CCDC178: variants seen among roughly 807,000 people sequenced by gnomAD.
CCDC178 encodes the protein coiled-coil domain-containing protein 178.
Under a neutral mutation model 117.4 loss-of-function variants are expected in CCDC178, and 126 were observed. The ratio of observed to expected loss-of-function variants is 1.07; its 90% confidence interval spans 0.93 to 1.24. CCDC178 has a LOEUF of 1.24. Among genes scored for constraint, CCDC178 ranks in the 50% most tolerant of loss-of-function variants. The probability of loss-of-function intolerance (pLI) is 0.00; values close to 1 mark genes in which losing one functional copy is unlikely to be tolerated. For missense variants in CCDC178, 1,030 were observed against 986.9 expected (o/e 1.04, Z -0.59); for synonymous variants, 283 against 313.4 (o/e 0.90, Z 1.02).
At chr18:33,339,883 C>T (rs560856976) in intron 9 of CCDC178, among the ~76,000 whole-genome samples, 16 of 152,128 alleles carry the variant, frequency 1.1e-4, no homozygotes, top group African/African-American at 3.9e-4. Context: ...TTCCTAGTCT[C>T]GGGTATGTCT....
intron 19 of CCDC178, among the ~76,000 whole-genome samples, chr18:33,214,735 G>A (rs547294935): frequency 6.6e-6 from 1 of 152,074 alleles, no homozygotes; most frequent in South Asian, 2.1e-4. Flanking sequence ...TTTACTCTAT[G>A]ATAATAGCTA....
chr18:33,354,200 C>T (rs1277033930), intron 7 of CCDC178, among the ~76,000 whole-genome samples: 1 of 152,084 alleles, frequency 6.6e-6, no homozygotes, highest in Non-Finnish European at 1.5e-5. Flanking sequence ...TTCTCTTGTG[C>T]TGCTTTCCAG....
chr18:33,000,443 A>G (rs1464629649), intron 21 of CCDC178, among the ~76,000 whole-genome samples: 1 of 152,162 alleles, frequency 6.6e-6, no homozygotes, highest in African/African-American at 2.4e-5. Flanking sequence ...ATAACAGAAG[A>G]CATCCCAAAC....
At chr18:33,288,218 C>T (rs1339588720) in intron 12 of CCDC178, among the ~76,000 whole-genome samples, 1 of 149,678 alleles carries the variant, frequency 6.7e-6, no homozygotes, top group Non-Finnish European at 1.5e-5. Context: ...CCTCCCTCCT[C>T]CTCTCCTCCT....
At chr18:33,438,687 T>G (rs1723031472) in intron 2 of CCDC178, among the ~76,000 whole-genome samples, 1 of 152,020 alleles carries the variant, frequency 6.6e-6, no homozygotes, top group African/African-American at 2.4e-5. Flanking sequence ...CAGATGCTTA[T>G]AAAATAATCA....
At chr18:33,290,882 C>G (rs982744747) in intron 12 of CCDC178, among the ~76,000 whole-genome samples, 1 of 151,986 alleles carries the variant, frequency 6.6e-6, no homozygotes, top group African/African-American at 2.4e-5. Context: ...ATTGTAACAA[C>G]TTGTTTTCTA....
chr18:33,043,194 G>C (rs540159554), intron 21 of CCDC178, among the ~76,000 whole-genome samples: 19 of 152,010 alleles, frequency 1.2e-4, no homozygotes, highest in East Asian at 7.7e-4. Flanking sequence ...AACACTGAAG[G>C]TTCTATGTAA....
intron 10 of CCDC178, among the ~76,000 whole-genome samples, chr18:33,329,061 T>C (rs2062627997): frequency 6.6e-6 from 1 of 152,112 alleles, no homozygotes; most frequent in South Asian, 2.1e-4. Flanking sequence ...GACCCGTATA[T>C]GGAATTGTTT....
chr18:33,336,677 A>G lies in CCDC178; in HGVS notation c.659-3283T>C, dbSNP rs564230573. ...CAGCACTATCAATCAAATTGACCTGATATTTATAGATAGCCTACCCAACAA... is the reference window on the plus strand; with the variant it reads ...CAGCACTATCAATCAAATTGACCTGGTATTTATAGATAGCCTACCCAACAA... On this transcript the variant is annotated intron_variant, in intron 9 of 22. Coordinates refer to ENST00000383096, the MANE Select transcript of CCDC178 (RefSeq NM_001105528.4). Among the ~76,000 whole-genome samples the G allele has an allele frequency of 1.6e-4, 25 of 152,220 alleles. No homozygotes were observed. In the South Asian group the frequency reaches 5.2e-3, roughly 32 times the overall value.
At chr18:33,147,907 G>A (rs1373188495) in intron 20 of CCDC178, among the ~76,000 whole-genome samples, 5 of 151,958 alleles carry the variant, frequency 3.3e-5, no homozygotes, top group Admixed American at 1.3e-4. Flanking sequence ...GGTGGCTGCC[G>A]GGCAGAGGGG....
rs1383803880 is a variant in CCDC178, at chr18:33,323,584, T to A, written c.929A>T (p.Glu310Val). Residue 310 changes from glutamate to valine, a missense_variant, in exon 11 of 23, where the codon GAA becomes GTA. Physicochemically the swap from Glu to Val is moderately radical, Grantham distance 121. Coordinates refer to ENST00000383096, the MANE Select transcript of CCDC178 (RefSeq NM_001105528.4). ...KVNEELEEAL[E>V]ACENARLKAQ... Reference sequence around the variant, plus strand: ...CTTCAATCTGGCATTTTCACAGGCTTCTAAAGCTTCTTCAAGTTCTTCATT... The same window carrying A: ...CTTCAATCTGGCATTTTCACAGGCTACTAAAGCTTCTTCAAGTTCTTCATT... 2.6e-6 allele frequency: 4 copies of A among 1,562,860 alleles called. No homozygotes were observed. The highest frequency in any genetic ancestry group is 1.8e-5 in the Admixed American group (1 of 54,120).
chr18:33,192,339 C>T (rs2058868933), intron 20 of CCDC178, among the ~76,000 whole-genome samples: 1 of 152,148 alleles, frequency 6.6e-6, no homozygotes, highest in Non-Finnish European at 1.5e-5. Context: ...GAACAAAGGA[C>T]TTCAGTTTGT....
chr18:33,278,360 T>C (rs2059979323), intron 12 of CCDC178, among the ~76,000 whole-genome samples: 1 of 150,224 alleles, frequency 6.7e-6, no homozygotes, highest in Non-Finnish European at 1.5e-5. Flanking sequence ...TTTTAAGAGA[T>C]AATCACTTCT....
chr18:33,222,247 C>G (rs946297667), intron 18 of CCDC178, among the ~76,000 whole-genome samples: 5 of 149,482 alleles, frequency 3.3e-5, no homozygotes, highest in African/African-American at 1.2e-4. Context: ...TTCCTTCCCT[C>G]CCTCCCTCCT....
chr18:33,355,100 T>A (rs2063035504), intron 7 of CCDC178, among the ~76,000 whole-genome samples: 1 of 152,348 alleles, frequency 6.6e-6, no homozygotes, highest in East Asian at 1.9e-4. Flanking sequence ...CAGTTTATGT[T>A]AATTTATCCT....
chr18:33,085,549 A>G (rs1299341236), intron 21 of CCDC178, among the ~76,000 whole-genome samples: 2 of 152,104 alleles, frequency 1.3e-5, no homozygotes, highest in Admixed American at 6.5e-5. Context: ...GGCGACAGAG[A>G]GAGATTCCGT....
At chr18:33,043,472 T>C (rs962646473) in intron 21 of CCDC178, among the ~76,000 whole-genome samples, 12 of 152,108 alleles carry the variant, frequency 7.9e-5, no homozygotes, top group African/African-American at 2.9e-4. Flanking sequence ...TACTACTTTA[T>C]GCTTCTGAAA....
At chr18:33,179,078 A>AAAAAAAAATAT (rs71159804) in intron 20 of CCDC178, among the ~76,000 whole-genome samples, 2 of 55,824 alleles carry the variant, frequency 3.6e-5, no homozygotes, top group African/African-American at 2.3e-4. Context: ...AAAAAAAAAA[A>AAAAAAAAATAT]ATATATATAT....
rs546443196 is a variant in CCDC178 at position 33,082,923 on chromosome 18, G to T, written c.2388+9838C>A. ...ATTCCTATAAGGATTCCATTGCCACGGTTGAGGTTATTTCATAATAGTATA... is the reference window on the plus strand; with the variant it reads ...ATTCCTATAAGGATTCCATTGCCACTGTTGAGGTTATTTCATAATAGTATA... On this transcript the variant is annotated intron_variant, in intron 21 of 22. Coordinates refer to ENST00000383096, the MANE Select transcript of CCDC178 (RefSeq NM_001105528.4). 1.4e-4 allele frequency among the ~76,000 whole-genome samples: 22 copies of T among 151,814 alleles called. No individual in the cohort carries two copies. In the South Asian group the frequency reaches 4.4e-3, roughly 30 times the overall value.
Sources: allele counts gnomAD v4.1 joint callset (sites outside exome capture counted in the v4.1 genomes callset), GRCh38; gene constraint gnomAD v4.1.1; transcripts MANE v1.5; gene names NCBI Gene and HGNC (gene_info 2026-07-23, HGNC 2026-07-21).